The following ATAD2B variants were observed in gnomAD, a reference collection of about 807,000 sequenced individuals.
ATAD2B encodes the protein ATPase family AAA domain containing 2B.
In ATAD2B, 40 loss-of-function variants were observed where a neutral mutation model predicts 167.6. The ratio of observed to expected loss-of-function variants is 0.24; its 90% confidence interval spans 0.19 to 0.31. The LOEUF is 0.31. ATAD2B is among the 10% of genes least tolerant of loss of function. The pLI is 1.00. For missense variants in ATAD2B, 1,242 were observed against 1,757.2 expected, an observed-to-expected ratio of 0.71 and a Z score of 5.24; for synonymous variants, 579 against 596.5, an observed-to-expected ratio of 0.97 and a Z score of 0.43.
chr2:23,909,978 T>C (rs749660323), intron 1 of ATAD2B, among the ~76,000 whole-genome samples: 5 of 151,716 alleles, frequency 3.3e-5, no homozygotes, highest in Non-Finnish European at 7.4e-5. Context: ...TCCTCTCACC[T>C]TAGCTTCCCA....
At chr2:23,766,231 G>A (rs939971754) in intron 22 of ATAD2B, among the ~76,000 whole-genome samples, 2 of 152,052 alleles carry the variant, frequency 1.3e-5, no homozygotes, top group Non-Finnish European at 2.9e-5. Flanking sequence ...CCTAAAAATG[G>A]TACTAAAAGA....
At position 23,869,702 on chromosome 2, in the gene ATAD2B, T is replaced by C; in HGVS notation, c.1037A>G (p.Glu346Gly). The change falls in exon 9 of 28, where the codon GAA (glutamate) becomes GGA (glycine). Residue 346 changes from glutamate to glycine, a missense_variant. Glu to Gly is a moderately conservative substitution (Grantham distance 98). This residue lies in a region of ATAD2B where 127 missense variants were observed against 146.3 expected (regional missense o/e 0.87). Coordinates refer to ENST00000238789, the MANE Select transcript of ATAD2B (RefSeq NM_017552.4). The stretch of plus-strand genomic sequence containing the variant: ...TGCCATGCTCTTTGATTTCCTTCTT[T>C]CAAAGCGTTCCTCATCAGAAGAAGT... Reference protein sequence around the residue: ...DTTSSDEERFERRKSKSMARA... With the variant: ...DTTSSDEERFGRRKSKSMARA... 6.4e-7 allele frequency: 1 copy of C among 1,568,748 alleles called. No individual in the cohort carries two copies. The highest frequency in any genetic ancestry group is 1.2e-5 in the South Asian group (1 of 85,510).
chr2:23,714,428 G>A, the ATAD2B span, among the ~76,000 whole-genome samples: 2 of 135,542 alleles, frequency 1.5e-5, no homozygotes, highest in African/African-American at 5.3e-5. Flanking sequence ...TTTTAGTAGA[G>A]ACAGGGTTTC....
the ATAD2B span, among the ~76,000 whole-genome samples, chr2:23,742,179 T>C: frequency 6.6e-6 from 1 of 152,312 alleles, no homozygotes; most frequent in Non-Finnish European, 1.5e-5. Flanking sequence ...AGCAATACCA[T>C]TTGACCCAGT....
chr2:23,721,727 G>A, the ATAD2B span, among the ~76,000 whole-genome samples: 7 of 151,992 alleles, frequency 4.6e-5, no homozygotes, highest in East Asian at 2.0e-4. Context: ...CATGGGCCAC[G>A]GTCAGCAGAC....
intron 19 of ATAD2B, among the ~76,000 whole-genome samples, chr2:23,795,787 G>A (rs929910750): frequency 1.3e-5 from 2 of 151,746 alleles, no homozygotes; most frequent in Non-Finnish European, 2.9e-5. Context: ...GCTGAGACGG[G>A]AGAATCACTT....
At chr2:23,822,024 A>G (rs889931352) in intron 16 of ATAD2B, among the ~76,000 whole-genome samples, 8 of 152,184 alleles carry the variant, frequency 5.3e-5, no homozygotes, top group African/African-American at 1.9e-4. Flanking sequence ...GAGGCTTGAC[A>G]AAACTCAAGA....
rs1409928530 is a variant in ATAD2B at position 23,751,170 on chromosome 2, C to T, written c.*876G>A. The T allele has an allele frequency of 6.6e-6, 1 of 152,070 alleles. No individual in the cohort carries two copies. Among genetic ancestry groups the T allele is most frequent in the African/African-American group, 2.4e-5 (1 of 41,408 alleles). The allele number at this position is 152,070 out of a possible 1,614,324, so 9.4% of individuals were successfully genotyped here. On this transcript the variant is annotated 3_prime_UTR_variant, in exon 28 of 28. Transcript: ENST00000238789. ...GTCATCATTGTTGGCAATACCAAAA[C>T]GTGTGCAGTTTTGTTTTTTGTTTTT...
At chr2:23,835,766 T>A (rs1038845020) in intron 13 of ATAD2B, among the ~76,000 whole-genome samples, 1 of 152,066 alleles carries the variant, frequency 6.6e-6, no homozygotes, top group African/African-American at 2.4e-5. Flanking sequence ...TGAAACCTCA[T>A]CTCTACTAAA....
At chr2:23,921,690 C>T (rs1212317737) in intron 1 of ATAD2B, among the ~76,000 whole-genome samples, 1 of 152,150 alleles carries the variant, frequency 6.6e-6, no homozygotes, top group Non-Finnish European at 1.5e-5. Context: ...TTTCACTTGG[C>T]TACCAGAGAC....
At chr2:23,735,280 G>A in the ATAD2B span, among the ~76,000 whole-genome samples, 2 of 152,014 alleles carry the variant, frequency 1.3e-5, no homozygotes, top group African/African-American at 4.8e-5. Context: ...TCATAAAAAT[G>A]TTGGCCCTTT....
At position 23,882,799 on chromosome 2, in the gene ATAD2B, G is replaced by T. The variant is rs551459637; in HGVS notation, c.784+1966C>A. ...CACTCCAGCCTGGGCAACAGAGCGAGACTCCATCTCAACAACAACAACAAC... is the reference window on the plus strand; with the variant it reads ...CACTCCAGCCTGGGCAACAGAGCGATACTCCATCTCAACAACAACAACAAC... On this transcript the variant is annotated intron_variant, in intron 6 of 27. Coordinates refer to ENST00000238789, the MANE Select transcript of ATAD2B (RefSeq NM_017552.4). 2.7e-3 allele frequency among the ~76,000 whole-genome samples: 408 copies of T among 149,978 alleles called. 1 individual carries two copies. The highest frequency in any genetic ancestry group is 4.8e-3 in the Non-Finnish European group (326 of 67,504).
intron 19 of ATAD2B, among the ~76,000 whole-genome samples, chr2:23,794,853 G>T (rs1682354011): frequency 6.6e-6 from 1 of 151,870 alleles, no homozygotes; most frequent in East Asian, 1.9e-4. Flanking sequence ...AAATAAAAAT[G>T]AACAGAAATG....
chr2:23,834,134 T>A, intron 13 of ATAD2B, 56 bp from the exon 14 acceptor site: 2 of 514,570 alleles, frequency 3.9e-6, no homozygotes, highest in Non-Finnish European at 3.1e-6. Context: ...CTGCTTACAA[T>A]AACGTTTATC....
intron 15 of ATAD2B, among the ~76,000 whole-genome samples, chr2:23,824,399 A>G (rs1327258990): frequency 2.6e-5 from 4 of 152,228 alleles, no homozygotes; most frequent in Non-Finnish European, 5.9e-5. Context: ...TAATATTATT[A>G]ACTTCCAAAC....
At chr2:23,830,210 C>T (rs1688832926) in intron 14 of ATAD2B, among the ~76,000 whole-genome samples, 1 of 152,100 alleles carries the variant, frequency 6.6e-6, no homozygotes, top group African/African-American at 2.4e-5. Context: ...TCTTGAACTC[C>T]CGACCTCAAC....
In ATAD2B at chr2:23,762,311, T is replaced by C. The variant is rs370864435; in HGVS notation, c.3292A>G (p.Ser1098Gly). 3.9e-5 allele frequency: 63 copies of C among 1,613,382 alleles called. No homozygotes were observed. Among genetic ancestry groups the C allele is most frequent in the Non-Finnish European group, 4.9e-5 (58 of 1,179,690 alleles). ...SVTSEQINPHSTGARKTETRV... is the reference protein window; with the variant it reads ...SVTSEQINPHGTGARKTETRV... ...GTTTCTGTCTTCCGAGCTCCAGTAC[T>C]ATGAGGATTTATTTGTTCTGATGTT... The change falls in exon 24 of 28, where the codon AGT becomes GGT. Residue 1098 changes from serine to glycine, a missense_variant. Coordinates refer to ENST00000238789, the MANE Select transcript of ATAD2B (RefSeq NM_017552.4).
intron 8 of ATAD2B, among the ~76,000 whole-genome samples, chr2:23,871,582 G>A (rs1695984806): frequency 6.6e-6 from 1 of 152,042 alleles, no homozygotes; most frequent in South Asian, 2.1e-4. Context: ...TTCCAACCCT[G>A]TACCAATCCA....
chr2:23,693,194 G>T, the ATAD2B span: 2 of 1,477,760 alleles, frequency 1.4e-6, no homozygotes, highest in South Asian at 1.3e-5. Context: ...GAAGGATCTA[G>T]GGTGACAGCA....
Sources: gnomAD v4.1 joint callset for allele counts (sites outside exome capture counted in the v4.1 genomes callset) on GRCh38, gnomAD v4.1.1 for gene constraint, gnomAD v4.1.1 regional missense constraint, MANE v1.5 for transcripts, NCBI Gene and HGNC (gene_info 2026-07-23, HGNC 2026-07-21) for gene names.